Variants in ARHGAP23 observed in about 807,000 individuals in gnomAD.
ARHGAP23 encodes the protein rho GTPase-activating protein 23.
In ARHGAP23, 34 loss-of-function variants were observed where a neutral mutation model predicts 136.3. The ratio of observed to expected loss-of-function variants is 0.25; its 90% CI spans 0.19 to 0.33. ARHGAP23 has a LOEUF of 0.33. ARHGAP23 is among the 10% of genes least tolerant of loss of function. The pLI, the probability that ARHGAP23 is intolerant of heterozygous loss-of-function variation, is 1.00. For missense variants in ARHGAP23, 1,808 were observed against 2,139.0 expected (o/e 0.85, Z 3.05); for synonymous variants, 832 against 920.5 (o/e 0.90, Z 1.74).
At chr17:38,499,312 C>A (rs184266959) in intron 22 of ARHGAP23, among the ~76,000 whole-genome samples, 3,103 of 152,336 alleles carry the variant, frequency 0.02, 119 homozygotes, top group African/African-American at 0.07. Flanking sequence ...AGCGATGCCA[C>A]GCCCAGAAGC....
chr17:38,480,664 C>T (rs1183182382), intron 14 of ARHGAP23, among the ~76,000 whole-genome samples: 51 of 149,722 alleles, frequency 3.4e-4, no homozygotes, highest in African/African-American at 9.4e-4. Flanking sequence ...AGTACCCGGG[C>T]GTGGTGGTGT....
chr17:38,491,903 G>A (rs2040287652), intron 20 of ARHGAP23, among the ~76,000 whole-genome samples: 1 of 152,200 alleles, frequency 6.6e-6, no homozygotes, highest in Admixed American at 6.5e-5. Context: ...GCAGACACGA[G>A]CAGACGGGGG....
At chr17:38,494,302 C>T (rs1235481032) in intron 20 of ARHGAP23, among the ~76,000 whole-genome samples, 2 of 152,198 alleles carry the variant, frequency 1.3e-5, no homozygotes, top group African/African-American at 2.4e-5. Flanking sequence ...AAAGCACTCG[C>T]GGCGGTGCCT....
Position 38,467,353 on chromosome 17 carries a change from T to C in ARHGAP23, c.1648+22T>C. 3 of 1,457,776 alleles carry C rather than the reference T, an allele frequency of 2.1e-6. No homozygotes were observed. The South Asian group carries it at 4.4e-5, about 21-fold the overall frequency. 90.3% of individuals were successfully genotyped at this position (1,457,776 alleles called of 1,614,324 possible). A position where few individuals can be genotyped will look rare whatever the true frequency, so the allele number is the denominator to read the frequency against. On this transcript the variant is annotated intron_variant, in intron 7 of 23. Transcript: ENST00000622683. ...ATTGGTGAGTGATGGTACATGTGGC[T>C]GTCCTGGGGGACTTAGCTGTCGGCT...
chr17:38,488,608 G>T (rs1335183488), intron 17 of ARHGAP23, among the ~76,000 whole-genome samples: 4 of 152,192 alleles, frequency 2.6e-5, no homozygotes, highest in Non-Finnish European at 5.9e-5. Flanking sequence ...GAGTGCAATG[G>T]TGTGATCTTG....
intron 14 of ARHGAP23, among the ~76,000 whole-genome samples, chr17:38,480,653 A>C (rs867127759): frequency 2.7e-5 from 4 of 150,728 alleles, no homozygotes; most frequent in Non-Finnish European, 4.4e-5. Context: ...AATACAATAA[A>C]AGTACCCGGG....
chr17:38,473,589 C>T (rs1014742573), intron 11 of ARHGAP23, among the ~76,000 whole-genome samples: 1 of 151,062 alleles, frequency 6.6e-6, no homozygotes, highest in Non-Finnish European at 1.5e-5. Context: ...GCAGCCCTGC[C>T]CTCCTGGGGC....
At chr17:38,454,252 G>T in intron 1 of ARHGAP23, 1 of 152,766 alleles carries the variant, frequency 6.5e-6, no homozygotes, top group South Asian at 2.0e-4. Flanking sequence ...TGCATTCCAG[G>T]ACTGATGCCC....
At chr17:38,436,432 C>T (rs1457366730) in intron 1 of ARHGAP23, among the ~76,000 whole-genome samples, 1 of 152,180 alleles carries the variant, frequency 6.6e-6, no homozygotes, top group East Asian at 1.9e-4. Flanking sequence ...CTCCTGCCCT[C>T]TCCGTAATTT....
intron 16 of ARHGAP23, among the ~76,000 whole-genome samples, chr17:38,483,034 G>A (rs1162016151): frequency 3.3e-5 from 5 of 152,234 alleles, no homozygotes; most frequent in Non-Finnish European, 5.9e-5. Flanking sequence ...GCTCAATGGT[G>A]TAGACGCGGA....
chr17:38,445,800 A>AT (rs899490146), intron 1 of ARHGAP23, among the ~76,000 whole-genome samples: 10 of 151,528 alleles, frequency 6.6e-5, no homozygotes, highest in Non-Finnish European at 1.3e-4. Context: ...ACGCTCTGCT[A>AT]TTTTTTTATT....
At chr17:38,470,287 C>T (rs1399315623) in intron 10 of ARHGAP23, among the ~76,000 whole-genome samples, 1 of 152,270 alleles carries the variant, frequency 6.6e-6, no homozygotes, top group African/African-American at 2.4e-5. Context: ...ACGCCTCATG[C>T]ACAATTGGTG....
intron 2 of ARHGAP23, among the ~76,000 whole-genome samples, chr17:38,460,286 A>C (rs1412592252): frequency 1.3e-5 from 2 of 152,158 alleles, no homozygotes; most frequent in African/African-American, 4.8e-5. Flanking sequence ...AAGAACTTCC[A>C]TTGGCTCCCT....
At chr17:38,505,461 C>T (rs1228846101) in intron 23 of ARHGAP23, among the ~76,000 whole-genome samples, 1 of 152,166 alleles carries the variant, frequency 6.6e-6, no homozygotes, top group African/African-American at 2.4e-5. Flanking sequence ...TGACCAGGCT[C>T]TGATTTCCCC....
At chr17:38,447,570 G>T (rs1027670114) in intron 1 of ARHGAP23, among the ~76,000 whole-genome samples, 3 of 152,136 alleles carry the variant, frequency 2.0e-5, no homozygotes, top group Non-Finnish European at 2.9e-5. Flanking sequence ...GTCTAAGGGG[G>T]AGACTCAGGC....
chr17:38,503,489 G>A (rs1253391070), intron 23 of ARHGAP23, among the ~76,000 whole-genome samples: 5 of 152,218 alleles, frequency 3.3e-5, no homozygotes, highest in South Asian at 4.1e-4. Context: ...CCCAGCAGCC[G>A]TGCCCCGCCC....
At chr17:38,441,243 G>GCCCC (rs1487944314) in intron 1 of ARHGAP23, among the ~76,000 whole-genome samples, 1 of 152,222 alleles carries the variant, frequency 6.6e-6, no homozygotes, top group Non-Finnish European at 1.5e-5. Context: ...CCCATTTCAG[G>GCCCC]CCCCCTGTGC....
At chr17:38,431,048 AGT>A (rs1257810906) in intron 1 of ARHGAP23, among the ~76,000 whole-genome samples, 1 of 152,132 alleles carries the variant, frequency 6.6e-6, no homozygotes, top group Non-Finnish European at 1.5e-5. Context: ...TCACACCCCC[AGT>A]GCACTGTGGA....
At chr17:38,433,150 G>A (rs1356850272) in intron 1 of ARHGAP23, among the ~76,000 whole-genome samples, 1 of 152,080 alleles carries the variant, frequency 6.6e-6, no homozygotes, top group Non-Finnish European at 1.5e-5. Flanking sequence ...TATAGAGACA[G>A]GGTTTTGCCA....
Sources: gnomAD v4.1 joint callset for allele counts (sites outside exome capture counted in the v4.1 genomes callset) on GRCh38, gnomAD v4.1.1 for gene constraint, MANE v1.5 for transcripts, NCBI Gene and HGNC (gene_info 2026-07-23, HGNC 2026-07-21) for gene names.